Variants in HOXA11 observed in about 807,000 individuals in gnomAD.
HOXA11 encodes the protein homeobox A11, also known as homeobox protein Hox-A11.
Under a neutral mutation model 22.5 loss-of-function variants are expected in HOXA11, and 8 were observed. The ratio of observed to expected loss-of-function variants is 0.36; its 90% CI spans 0.21 to 0.64. The LOEUF (loss-of-function observed/expected upper bound fraction) is 0.64, where lower values mean the gene tolerates loss of function less well. HOXA11 is among the 30% of genes least tolerant of loss of function. The probability of loss-of-function intolerance (pLI) is 0.67; values close to 1 mark genes in which losing one functional copy is unlikely to be tolerated. For synonymous variants in HOXA11, 211 were observed against 188.4 expected (o/e 1.12, Z -0.98); for missense variants, 388 against 429.0 (o/e 0.90, Z 0.84).
chr7:27,184,443 G>T lies in HOXA11; in HGVS notation c.702C>A (p.Gly234=). The change falls in exon 1 of 2, where the codon GGC becomes GGA. Residue 234 remains glycine (G), a synonymous_variant. Transcript: ENST00000006015. The part of the protein sequence containing the change: ...SSSGHTEDKA[G]GSSGQRTRKK... Reference sequence around the variant, plus strand: ...CGCTGCCTTTATACGTACTGGAGCCGCCGGCCTTGTCCTCAGTGTGGCCGG... The same window carrying T: ...CGCTGCCTTTATACGTACTGGAGCCTCCGGCCTTGTCCTCAGTGTGGCCGG... The T allele has an allele frequency of 6.4e-7, 1 of 1,573,510 alleles. No homozygotes were observed. The highest frequency in any genetic ancestry group is 8.6e-7 in the Non-Finnish European group (1 of 1,160,026).
intron 1 of HOXA11, 86 bp from the exon 2 acceptor site, chr7:27,183,114 A>T (rs1400389025): frequency 2.0e-5 from 18 of 891,682 alleles, no homozygotes; most frequent in African/African-American, 5.0e-5. Context: ...AAGGGCTGCC[A>T]TGGGGACTGG....
rs1783793028 is a variant in HOXA11, at chr7:27,182,832, G to A, written c.906C>T (p.Asp302=). Residue 302 remains aspartate (D), a synonymous_variant, in exon 2 of 2, where the codon GAC becomes GAT. Transcript: ENST00000006015. ...GATTTGCTGAGTAGTACTGTAAACG[G>A]TCTCTGTTAATTTTTTTTTCCTTCA... ...RRMKEKKINR[D]RLQYYSANPL... 1 of 1,613,156 alleles carries A rather than the reference G, an allele frequency of 6.2e-7. No homozygotes were observed. Among genetic ancestry groups the A allele is most frequent in the African/African-American group, 1.3e-5 (1 of 74,920 alleles).
chr7:27,181,719 T>TAA lies in HOXA11; in HGVS notation c.*1075_*1076dup, dbSNP rs972579243. 3 of 172,378 alleles carry TAA rather than the reference T, an allele frequency of 1.7e-5. No individual in the cohort carries two copies. Among genetic ancestry groups the TAA allele is most frequent in the African/African-American group, 7.2e-5 (3 of 41,948 alleles). 10.7% of individuals were successfully genotyped at this position (172,378 alleles called of 1,614,324 possible). Reference sequence around the variant, plus strand: ...TCCTTCAGGGAAATATATATATATATAATATAATATTTATCTTTTAAAATA... The same window carrying TAA: ...TCCTTCAGGGAAATATATATATATATAAAATATAATATTTATCTTTTAAAATA... On this transcript the variant is annotated 3_prime_UTR_variant, in exon 2 of 2. Coordinates refer to ENST00000006015, the MANE Select transcript of HOXA11 (RefSeq NM_005523.6).
In HOXA11 at chr7:27,184,432, G is replaced by C. The variant is rs578220858; in HGVS notation, c.709+4C>G. Reference sequence around the variant, plus strand: ...AAAGCGCAGGGCGCTGCCTTTATACGTACTGGAGCCGCCGGCCTTGTCCTC... The same window carrying C: ...AAAGCGCAGGGCGCTGCCTTTATACCTACTGGAGCCGCCGGCCTTGTCCTC... On this transcript the variant is annotated splice_donor_region_variant and intron_variant, in intron 1 of 1. Coordinates refer to ENST00000006015, the MANE Select transcript of HOXA11 (RefSeq NM_005523.6). The C allele has an allele frequency of 4.2e-5, 67 of 1,578,076 alleles. No homozygotes were observed. Among genetic ancestry groups the C allele is most frequent in the South Asian group, 6.9e-5 (6 of 86,558 alleles).
At position 27,182,839 on chromosome 7, in the gene HOXA11, T is replaced by C. The variant is rs765601556; in HGVS notation, c.899A>G (p.Asn300Ser). 1 of 1,613,758 alleles carries C rather than the reference T, an allele frequency of 6.2e-7. No homozygotes were observed. Among genetic ancestry groups the C allele is most frequent in the African/African-American group, 1.3e-5 (1 of 74,898 alleles). ...TGAGTAGTACTGTAAACGGTCTCTG[T>C]TAATTTTTTTTTCCTTCATTCTCCT... ...QNRRMKEKKI[N>S]RDRLQYYSAN... The change falls in exon 2 of 2, where the codon AAC (asparagine) becomes AGC (serine). Residue 300 changes from asparagine (N) to serine (S), a missense_variant. Physicochemically the swap from Asn to Ser is conservative, Grantham distance 46. This residue lies in a region of HOXA11 where 55 missense variants were observed against 90.8 expected (regional missense o/e 0.61). Transcript: ENST00000006015.
Position 27,184,540 on chromosome 7 carries a change from T to C in HOXA11, c.605A>G (p.Glu202Gly). The part of the protein sequence containing the change: ...SDSGGGGGCR[E>G]TAAAAEEKER... ...TTTCTCCTCTGCTGCCGCCGCCGTC[T>C]CCCGGCAGCCGCCGCCGCCGCCGCT... is the stretch of plus-strand genomic sequence containing the variant. The change falls in exon 1 of 2, where the codon GAG becomes GGG. Residue 202 changes from glutamate (E) to glycine (G), a missense_variant. This residue lies in a region of HOXA11 where 295 missense variants were observed against 281.1 expected (regional missense o/e 1.05). Transcript: ENST00000006015. The C allele has an allele frequency of 6.7e-7, 1 of 1,496,188 alleles. No homozygotes were observed. The highest frequency in any genetic ancestry group is 8.9e-7 in the Non-Finnish European group (1 of 1,119,450). The allele number at this position is 1,496,188 out of a possible 1,614,324, so 92.7% of individuals were successfully genotyped here.
In HOXA11 at chr7:27,181,595, G is replaced by A. The variant is rs867620177; in HGVS notation, c.*1201C>T. The A allele has an allele frequency of 9.5e-5, 18 of 189,312 alleles. No individual in the cohort carries two copies. The highest frequency in any genetic ancestry group is 1.9e-4 in the South Asian group (1 of 5,138). 11.7% of individuals were successfully genotyped at this position (189,312 alleles called of 1,614,324 possible). Reference sequence around the variant, plus strand: ...TACATTCAAATATTCTTAGCAGTGAGCGAGTTTAACCACGGAACACTGTAA... The same window carrying A: ...TACATTCAAATATTCTTAGCAGTGAACGAGTTTAACCACGGAACACTGTAA... On this transcript the variant is annotated 3_prime_UTR_variant, in exon 2 of 2. Transcript: ENST00000006015.
chr7:27,182,927 G>A lies in HOXA11; in HGVS notation c.811C>T (p.Arg271Cys), dbSNP rs1419108203. Residue 271 changes from arginine to cysteine, a missense_variant, in exon 2 of 2, where the codon CGC becomes TGC. Arg to Cys is a radical substitution (Grantham distance 180, BLOSUM62 -3). Transcript: ENST00000006015. ...FFSVYINKEK[R>C]LQLSRMLNLT... ...TTGAGCATGCGGGACAGTTGCAGGC[G>A]CTTCTCTTTGTTAATGTAGACGCTG... 1 of 1,613,768 alleles carries A rather than the reference G, an allele frequency of 6.2e-7. No individual in the cohort carries two copies.
chr7:27,183,413 C>T (rs1237325561), intron 1 of HOXA11, among the ~76,000 whole-genome samples: 1 of 152,272 alleles, frequency 6.6e-6, no homozygotes, highest in Non-Finnish European at 1.5e-5. Flanking sequence ...ATTTCACCTT[C>T]CAGCACCTGG....
At position 27,184,841 on chromosome 7, in the gene HOXA11, C is replaced by G. The variant is rs780070206; in HGVS notation, c.304G>C (p.Val102Leu). ...DCLQAPSAAG[V>L]PGDVLAKSSA... ...CTCTTGGCCAGCACGTCGCCAGGCA[C>G]GCCGGCCGCGCTGGGCGCCTGCAGG... Residue 102 changes from valine to leucine, a missense_variant, in exon 1 of 2, where the codon GTG becomes CTG. Physicochemically the swap from Val to Leu is conservative, Grantham distance 32. Coordinates refer to ENST00000006015, the MANE Select transcript of HOXA11 (RefSeq NM_005523.6). The G allele has an allele frequency of 6.2e-7, 1 of 1,613,346 alleles. No individual in the cohort carries two copies. The highest frequency in any genetic ancestry group is 2.2e-5 in the East Asian group (1 of 44,842).
rs1783844059 is a variant in HOXA11, at chr7:27,185,128, C to T, written c.17G>A (p.Arg6His). ...ATACATGTTAGAGGAGCAGGGACCA[C>T]GCTCATCAAAATCCATTATTGGGCT... MDFDE[R>H]GPCSSNMYLP... The change falls in exon 1 of 2, where the codon CGT (arginine) becomes CAT (histidine). Residue 6 changes from arginine to histidine, a missense_variant. Arg to His is a conservative substitution (Grantham distance 29, BLOSUM62 0). Coordinates refer to ENST00000006015, the MANE Select transcript of HOXA11 (RefSeq NM_005523.6). 6.2e-7 allele frequency: 1 copy of T among 1,613,838 alleles called. No homozygotes were observed. The highest frequency in any genetic ancestry group is 1.7e-5 in the Admixed American group (1 of 60,004).
chr7:27,184,944 A>C lies in HOXA11; in HGVS notation c.201T>G (p.Ile67Met). 6.2e-7 allele frequency: 1 copy of C among 1,613,646 alleles called. No individual in the cohort carries two copies. The highest frequency in any genetic ancestry group is 2.2e-5 in the East Asian group (1 of 44,844). ...VREVTFREYA[I>M]EPATKWHPRG... ...GGGGGTGCCATTTAGTGGCGGGCTC[A>C]ATGGCGTACTCTCTGAAGGTCACTT... is the stretch of plus-strand genomic sequence containing the variant. Residue 67 changes from isoleucine (I) to methionine (M), a missense_variant, in exon 1 of 2, where the codon ATT (isoleucine) becomes ATG (methionine). Ile to Met is a conservative substitution (Grantham distance 10, BLOSUM62 1). This residue lies in a region of HOXA11 where 295 missense variants were observed against 281.1 expected (regional missense o/e 1.05). Coordinates refer to ENST00000006015, the MANE Select transcript of HOXA11 (RefSeq NM_005523.6).
In HOXA11 at chr7:27,181,518, A is replaced by G. The variant is rs17472245; in HGVS notation, c.*1278T>C. The G allele has an allele frequency of 1.2e-3, 229 of 195,442 alleles. No individual in the cohort carries two copies. The highest frequency in any genetic ancestry group is 5.1e-3 in the African/African-American group (221 of 43,274). The allele number at this position is 195,442 out of a possible 1,614,324, so 12.1% of individuals were successfully genotyped here. A position where few individuals can be genotyped will look rare whatever the true frequency, so the allele number is the denominator to read the frequency against. On this transcript the variant is annotated 3_prime_UTR_variant, in exon 2 of 2. Transcript: ENST00000006015. ...AAGAGAAAGAAAGAAAAGAAAATTG[A>G]TTATGGTTCCTTTATTTACAAGTTT...
chr7:27,182,512 C>T lies in HOXA11; in HGVS notation c.*284G>A. On this transcript the variant is annotated 3_prime_UTR_variant, in exon 2 of 2. Transcript: ENST00000006015. ...GCCCAATCCCCAGTGGAGACCACAC[C>T]CAGCCCGCAGCTCTGCAGGCTCCAA... 2.0e-6 allele frequency: 1 copy of T among 497,526 alleles called. No individual in the cohort carries two copies. The highest frequency in any genetic ancestry group is 3.7e-6 in the Non-Finnish European group (1 of 273,266). 30.8% of individuals were successfully genotyped at this position (497,526 alleles called of 1,614,324 possible).
chr7:27,184,357 T>C, intron 1 of HOXA11, 79 bp downstream of exon 1: 3 of 1,369,098 alleles, frequency 2.2e-6, no homozygotes, highest in South Asian at 1.3e-5. Context: ...TAAAACAGCA[T>C]ATAAAAATTT....
intron 1 of HOXA11, among the ~76,000 whole-genome samples, chr7:27,183,547 C>T (rs1034610899): frequency 5.8e-4 from 88 of 152,174 alleles, no homozygotes; most frequent in African/African-American, 1.7e-3. Context: ...GTCCTGGCCA[C>T]CAGCTTCTGC....
chr7:27,184,240 G>A (rs187648121), intron 1 of HOXA11, among the ~76,000 whole-genome samples, 196 bp downstream of exon 1: 13 of 152,232 alleles, frequency 8.5e-5, no homozygotes, highest in Admixed American at 7.8e-4. Flanking sequence ...TGCCTTGGCC[G>A]GTGGGTATTT....
intron 1 of HOXA11, 63 bp from the exon 2 acceptor site, chr7:27,183,091 C>A: frequency 8.8e-7 from 1 of 1,137,550 alleles, no homozygotes; most frequent in Admixed American, 1.8e-5. Context: ...CCCCAGAGCC[C>A]ATAGCTGAGG....
rs1210885617 is a variant in HOXA11, at chr7:27,184,938, G to A, written c.207C>T (p.Pro69=). 1.9e-6 allele frequency: 3 copies of A among 1,613,758 alleles called. No homozygotes were observed. The highest frequency in any genetic ancestry group is 1.7e-5 in the Admixed American group (1 of 60,008). Residue 69 remains proline, a synonymous_variant, in exon 1 of 2, where the codon CCC becomes CCT. Transcript: ENST00000006015. ...TGCCGCGGGGGTGCCATTTAGTGGC[G>A]GGCTCAATGGCGTACTCTCTGAAGG... The part of the protein sequence containing the change: ...EVTFREYAIE[P]ATKWHPRGNL...
Sources: allele counts gnomAD v4.1 joint callset (sites outside exome capture counted in the v4.1 genomes callset), GRCh38; gene constraint gnomAD v4.1.1; regional missense constraint gnomAD v4.1.1; transcripts MANE v1.5; gene names NCBI Gene and HGNC (gene_info 2026-07-23, HGNC 2026-07-21).